SPATA13: variants seen among roughly 807,000 people sequenced by gnomAD.
SPATA13 encodes spermatogenesis-associated protein 13.
SPATA13 carries 50 observed loss-of-function variants against 104.0 expected under a neutral mutation model. That is an observed-to-expected ratio of 0.48 (90% CI 0.38 to 0.61). The LOEUF (loss-of-function observed/expected upper bound fraction) is 0.61. Among genes scored for constraint, SPATA13 ranks in the 20% least tolerant of loss-of-function variants. The pLI is 0.00. For missense variants in SPATA13, 1,524 were observed against 1,690.6 expected, an observed-to-expected ratio of 0.90 and a Z score of 1.73; for synonymous variants, 606 against 667.5, an observed-to-expected ratio of 0.91 and a Z score of 1.42.
chr13:24,273,438 T>G (rs186653977), intron 4 of SPATA13, among the ~76,000 whole-genome samples: 1 of 152,222 alleles, frequency 6.6e-6, no homozygotes, highest in Non-Finnish European at 1.5e-5. Context: ...ATCTTATTGT[T>G]GTCCACATGT....
chr13:24,275,227 C>T (rs992252588), intron 4 of SPATA13, among the ~76,000 whole-genome samples: 1 of 152,142 alleles, frequency 6.6e-6, no homozygotes, highest in Non-Finnish European at 1.5e-5. Context: ...AGGAGGAAAG[C>T]AGAGAGGGGG....
intron 4 of SPATA13, among the ~76,000 whole-genome samples, chr13:24,272,027 AG>A (rs1452785925): frequency 6.6e-6 from 1 of 152,196 alleles, no homozygotes; most frequent in African/African-American, 2.4e-5. Flanking sequence ...CATGAGTGAG[AG>A]GGCTCGGTAA....
intron 3 of SPATA13, among the ~76,000 whole-genome samples, chr13:24,036,789 C>T (rs1317988883): frequency 6.6e-6 from 1 of 152,032 alleles, no homozygotes; most frequent in Non-Finnish European, 1.5e-5. Context: ...ACTCATTTGG[C>T]CCTTAGTAAA....
At chr13:24,254,673 CT>C (rs1429066765) in intron 4 of SPATA13, among the ~76,000 whole-genome samples, 2 of 152,330 alleles carry the variant, frequency 1.3e-5, no homozygotes, top group East Asian at 1.9e-4. Context: ...AAAGGCCCCA[CT>C]GCAATCAGCT....
chr13:24,262,568 G>A (rs1021905423), intron 4 of SPATA13, among the ~76,000 whole-genome samples: 5 of 152,114 alleles, frequency 3.3e-5, no homozygotes, highest in African/African-American at 1.2e-4. Flanking sequence ...AGACCTTTGG[G>A]TCAAAAAGTG....
intron 3 of SPATA13, among the ~76,000 whole-genome samples, chr13:24,077,101 T>C (rs906309347): frequency 6.6e-6 from 1 of 151,990 alleles, no homozygotes; most frequent in East Asian, 1.9e-4. Context: ...AAAGAATGTC[T>C]GGGAAGGGCA....
At chr13:24,070,143 C>A (rs76981615) in intron 3 of SPATA13, among the ~76,000 whole-genome samples, 1 of 152,152 alleles carries the variant, frequency 6.6e-6, no homozygotes, top group East Asian at 1.9e-4. Context: ...GGAGCAGGGG[C>A]AGATTGTGGA....
chr13:24,285,347 C>T (rs1875853086), intron 5 of SPATA13, among the ~76,000 whole-genome samples: 1 of 152,088 alleles, frequency 6.6e-6, no homozygotes, highest in Admixed American at 6.6e-5. Context: ...CTTCCAATAG[C>T]ATATGTGCAT....
intron 1 of SPATA13, among the ~76,000 whole-genome samples, chr13:24,203,473 A>T (rs2138575694): frequency 1.3e-5 from 2 of 152,280 alleles, no homozygotes; most frequent in South Asian, 4.2e-4. Flanking sequence ...TTTGTGACTG[A>T]AAGGGGACAG....
intron 4 of SPATA13, among the ~76,000 whole-genome samples, chr13:24,276,485 G>C (rs1444408931): frequency 6.6e-6 from 1 of 152,182 alleles, no homozygotes; most frequent in Non-Finnish European, 1.5e-5. Flanking sequence ...TGGAAAGGTG[G>C]TTGCCAAGGA....
At chr13:24,122,523 C>T (rs763857891) in intron 3 of SPATA13, 48 of 1,602,088 alleles carry the variant, frequency 3.0e-5, no homozygotes, top group African/African-American at 1.7e-4. Flanking sequence ...CATCACTCCC[C>T]GGTTCCTCTG....
In SPATA13 at chr13:24,251,847, A is replaced by T. The variant is rs770233205; in HGVS notation, c.2149A>T (p.Met717Leu). The change falls in exon 4 of 13, where the codon ATG (methionine) becomes TTG (leucine). Residue 717 changes from methionine (M) to leucine (L), a missense_variant. Physicochemically the swap from Met to Leu is conservative, Grantham distance 15. Coordinates refer to ENST00000382108, the MANE Select transcript of SPATA13 (RefSeq NM_001166271.3). ...GLDRVGRRRQMRASNVSSDGG... is the reference protein window; with the variant it reads ...GLDRVGRRRQLRASNVSSDGG... Reference sequence around the variant, plus strand: ...GGACCGTGTGGGACGCCGGCGGCAGATGAGAGCATCCAACGGTGAGTCTCA... The same window carrying T: ...GGACCGTGTGGGACGCCGGCGGCAGTTGAGAGCATCCAACGGTGAGTCTCA... The T allele has an allele frequency of 4.3e-6, 7 of 1,613,906 alleles. No homozygotes were observed. The highest frequency in any genetic ancestry group is 5.9e-6 in the Non-Finnish European group (7 of 1,179,866).
At chr13:24,087,505 G>A (rs749651060) in intron 3 of SPATA13, among the ~76,000 whole-genome samples, 2 of 152,186 alleles carry the variant, frequency 1.3e-5, no homozygotes, top group Non-Finnish European at 2.9e-5. Context: ...TTACTGCAAC[G>A]TTAATAGAAC....
chr13:24,125,487 C>T (rs946210568), intron 3 of SPATA13, among the ~76,000 whole-genome samples: 1 of 152,170 alleles, frequency 6.6e-6, no homozygotes, highest in East Asian at 1.9e-4. Context: ...ACAGAATACA[C>T]ATGATCCCTT....
At chr13:24,118,749 G>C (rs879596546) in intron 3 of SPATA13, among the ~76,000 whole-genome samples, 1 of 152,098 alleles carries the variant, frequency 6.6e-6, no homozygotes, top group Non-Finnish European at 1.5e-5. Context: ...CTGCAGCCCT[G>C]GTGTGGTGCC....
At chr13:24,033,423 T>C (rs7337007) in intron 3 of SPATA13, 55,928 of 152,048 alleles carry the variant, frequency 0.37, 10,510 homozygotes, top group East Asian at 0.61. Context: ...TCTCCTTTTC[T>C]ATTAATGACT....
At chr13:24,245,161 TCA>T (rs904896278) in intron 2 of SPATA13, among the ~76,000 whole-genome samples, 6 of 152,188 alleles carry the variant, frequency 3.9e-5, no homozygotes, top group Admixed American at 3.9e-4. Context: ...AGTTAGGCTC[TCA>T]CTTGTTTGAG....
chr13:24,061,014 G>T (rs146944673), intron 3 of SPATA13, among the ~76,000 whole-genome samples: 1 of 152,140 alleles, frequency 6.6e-6, no homozygotes, highest in East Asian at 1.9e-4. Flanking sequence ...ACTCCAGCTG[G>T]GGCAACAAAG....
At chr13:24,159,133 T>TAG (rs1882357854), upstream of SPATA13, among the ~76,000 whole-genome samples, 1 of 151,700 alleles carries the variant, frequency 6.6e-6, no homozygotes, top group Non-Finnish European at 1.5e-5. Flanking sequence ...ACCGTGATAT[T>TAG]TTTTTTTAAA....
Sources: gnomAD v4.1 joint callset for allele counts (sites outside exome capture counted in the v4.1 genomes callset) on GRCh38, gnomAD v4.1.1 for gene constraint, MANE v1.5 for transcripts, NCBI Gene and HGNC (gene_info 2026-07-23, HGNC 2026-07-21) for gene names.